RALYL: variants seen among roughly 807,000 people sequenced by gnomAD.
RALYL encodes the protein RNA-binding Raly-like protein.
In RALYL, 29 loss-of-function variants were observed where a neutral mutation model predicts 35.1. The observed-to-expected ratio is 0.83, with a 90% CI of 0.61 to 1.13. RALYL has a LOEUF of 1.13. Ranked by LOEUF, RALYL falls within the 50% of genes most tolerant of loss-of-function variation. The pLI is 0.00. For synonymous variants in RALYL, 120 were observed against 127.6 expected, an observed-to-expected ratio of 0.94 and a Z score of 0.40; for missense variants, 359 against 360.4, an observed-to-expected ratio of 1.00 and a Z score of 0.03.
chr8:84,736,974 A>T (rs927459277), intron 2 of RALYL, among the ~76,000 whole-genome samples: 7 of 151,976 alleles, frequency 4.6e-5, no homozygotes, highest in Non-Finnish European at 7.4e-5. Context: ...TATTACTACT[A>T]AAATAATGCT....
intron 3 of RALYL, among the ~76,000 whole-genome samples, chr8:84,779,392 A>T (rs16913295): frequency 0.014 from 2,204 of 152,188 alleles, 54 homozygotes; most frequent in African/African-American, 0.05. Context: ...ACAACAATGG[A>T]TTTTTTTTCA....
intron 2 of RALYL, among the ~76,000 whole-genome samples, chr8:84,614,041 T>C (rs1818900367): frequency 6.6e-6 from 1 of 151,358 alleles, no homozygotes; most frequent in Admixed American, 6.6e-5. Context: ...ATAACTAAAT[T>C]GTTAGGCCTT....
At chr8:84,518,077 T>C (rs2058194847) in intron 1 of RALYL, among the ~76,000 whole-genome samples, 1 of 152,174 alleles carries the variant, frequency 6.6e-6, no homozygotes, top group Non-Finnish European at 1.5e-5. Context: ...TTATACTATT[T>C]ATGCTAACAT....
At chr8:84,329,420 T>C (rs568930598) in intron 1 of RALYL, among the ~76,000 whole-genome samples, 1 of 152,302 alleles carries the variant, frequency 6.6e-6, no homozygotes, top group East Asian at 1.9e-4. Context: ...AAATATCTGT[T>C]CATGCTCTTT....
At chr8:84,502,756 A>G (rs1462918754) in intron 1 of RALYL, among the ~76,000 whole-genome samples, 1 of 152,022 alleles carries the variant, frequency 6.6e-6, no homozygotes, top group Non-Finnish European at 1.5e-5. Flanking sequence ...TATTGGAGTT[A>G]ATTTGTTCAT....
chr8:84,675,270 A>G (rs1833975580), intron 2 of RALYL, among the ~76,000 whole-genome samples: 4 of 152,140 alleles, frequency 2.6e-5, no homozygotes, highest in Non-Finnish European at 5.9e-5. Context: ...GTAACTTTGG[A>G]TGACTTGGGT....
chr8:84,762,068 T>A (rs191195910), intron 2 of RALYL, among the ~76,000 whole-genome samples: 43 of 151,948 alleles, frequency 2.8e-4, no homozygotes, highest in African/African-American at 1.0e-3. Context: ...GCACCAGGCA[T>A]GTTTGAGAGG....
intron 1 of RALYL, among the ~76,000 whole-genome samples, chr8:84,277,393 CTTA>C (rs1005016869): frequency 1.6e-4 from 25 of 152,198 alleles, no homozygotes; most frequent in African/African-American, 6.0e-4. Flanking sequence ...ACACATGGGG[CTTA>C]TTATAATTAA....
At chr8:84,327,237 T>G (rs1845966790) in intron 1 of RALYL, among the ~76,000 whole-genome samples, 1 of 152,034 alleles carries the variant, frequency 6.6e-6, no homozygotes, top group Non-Finnish European at 1.5e-5. Flanking sequence ...CAGGCACTTG[T>G]AAATGATTTT....
At chr8:84,700,998 A>G (rs1357944200) in intron 2 of RALYL, among the ~76,000 whole-genome samples, 13 of 152,212 alleles carry the variant, frequency 8.5e-5, no homozygotes, top group Admixed American at 8.5e-4. Flanking sequence ...AAAAGAAGGA[A>G]GAATTTATCT....
At chr8:84,701,736 C>T (rs1227899907) in intron 2 of RALYL, among the ~76,000 whole-genome samples, 2 of 152,142 alleles carry the variant, frequency 1.3e-5, no homozygotes, top group Non-Finnish European at 2.9e-5. Context: ...CCCAAGTCAG[C>T]TCTGGCTCCA....
chr8:84,569,637 G>T (rs1001326348), intron 2 of RALYL, among the ~76,000 whole-genome samples: 29 of 151,426 alleles, frequency 1.9e-4, no homozygotes, highest in Admixed American at 1.6e-3. Flanking sequence ...TTACTTTTAG[G>T]GTCTTCATTA....
At chr8:84,615,570 C>CTTTTTTTTTTTTTTTTTTTTT (rs60428128) in intron 2 of RALYL, among the ~76,000 whole-genome samples, 6 of 67,364 alleles carry the variant, frequency 8.9e-5, no homozygotes, top group Non-Finnish European at 1.1e-4. Context: ...GAACTTTCGT[C>CTTTTTTTTTTTTTTTTTTTTT]TTTTTTTTTT....
intron 1 of RALYL, among the ~76,000 whole-genome samples, chr8:84,523,558 A>G (rs993140108): frequency 1.3e-5 from 2 of 151,498 alleles, no homozygotes; most frequent in African/African-American, 2.4e-5. Context: ...GTACATGTGC[A>G]CATTGTGCAG....
intron 5 of RALYL, among the ~76,000 whole-genome samples, chr8:84,854,989 T>C (rs540175145): frequency 6.6e-6 from 1 of 152,294 alleles, no homozygotes; most frequent in African/African-American, 2.4e-5. Flanking sequence ...TCTCCAAGTG[T>C]TGCAAAATTA....
At chr8:84,768,740 C>T (rs902268098) in intron 2 of RALYL, among the ~76,000 whole-genome samples, 1 of 152,158 alleles carries the variant, frequency 6.6e-6, no homozygotes, top group Admixed American at 6.5e-5. Context: ...TGTCATAACT[C>T]GGCGACCATC....
At chr8:84,888,020 A>G (rs1398849136) in intron 8 of RALYL, among the ~76,000 whole-genome samples, 2 of 152,256 alleles carry the variant, frequency 1.3e-5, no homozygotes, top group Non-Finnish European at 2.9e-5. Flanking sequence ...AGGTATATTT[A>G]AAGTCCAAAG....
chr8:84,442,386 T>A, intron 1 of RALYL, among the ~76,000 whole-genome samples: 1 of 152,156 alleles, frequency 6.6e-6, no homozygotes. Context: ...TAGAGTCTAT[T>A]TTCTCTAGTA....
chr8:84,318,857 A>G (rs1218416985), intron 1 of RALYL, among the ~76,000 whole-genome samples: 1 of 152,194 alleles, frequency 6.6e-6, no homozygotes, highest in African/African-American at 2.4e-5. Flanking sequence ...AAAATATTTG[A>G]AATTAAATCA....
Sources: allele counts gnomAD v4.1 joint callset (sites outside exome capture counted in the v4.1 genomes callset), GRCh38; gene constraint gnomAD v4.1.1; transcripts MANE v1.5; gene names NCBI Gene and HGNC (gene_info 2026-07-23, HGNC 2026-07-21).